PCDH11Y: variants seen among roughly 807,000 people sequenced by gnomAD.
PCDH11Y encodes the protein protocadherin-11 Y-linked.
For synonymous variants in PCDH11Y, 9 were observed against 83.6 expected, an observed-to-expected ratio of 0.11 and a Z score of 4.87; for missense variants, 12 against 224.8, an observed-to-expected ratio of 0.05 and a Z score of 6.05.
intron 2 of PCDH11Y, among the ~76,000 whole-genome samples, chrY:5,140,362 T>A: frequency 3.2e-5 from 1 of 31,394 alleles, no homozygotes; most frequent in South Asian, 7.2e-4. Flanking sequence ...GGAAGAAAAG[T>A]AGTTTATTTT....
At chrY:5,448,650 C>T in intron 2 of PCDH11Y, among the ~76,000 whole-genome samples, 1 of 33,090 alleles carries the variant, frequency 3.0e-5, no homozygotes, top group Non-Finnish European at 7.5e-5. Flanking sequence ...TCTTTCAGGT[C>T]TTGTGTGTAT....
chrY:5,476,345 G>T (rs1602930896), intron 2 of PCDH11Y, among the ~76,000 whole-genome samples: 1 of 23,021 alleles, frequency 4.3e-5, no homozygotes, highest in East Asian at 1.2e-3. Flanking sequence ...TTGACTCCAG[G>T]CTGTAGTGCA....
intron 2 of PCDH11Y, among the ~76,000 whole-genome samples, chrY:5,407,465 C>G: frequency 3.1e-5 from 1 of 32,191 alleles, no homozygotes; most frequent in Admixed American, 2.9e-4. Context: ...TTTTTGATGT[C>G]AAGTTTAACA....
intron 4 of PCDH11Y, among the ~76,000 whole-genome samples, chrY:5,585,502 T>C: frequency 3.0e-5 from 1 of 32,906 alleles, no homozygotes; most frequent in African/African-American, 1.2e-4. Flanking sequence ...AGATACAGAG[T>C]TTCCAAAAAT....
At chrY:5,736,496 C>T (rs1602965616) in intron 4 of PCDH11Y, among the ~76,000 whole-genome samples, 2 of 32,249 alleles carry the variant, frequency 6.2e-5, no homozygotes, top group South Asian at 1.4e-3. Context: ...TTTCTTTATA[C>T]TGGATAGCAT....
intron 2 of PCDH11Y, among the ~76,000 whole-genome samples, chrY:5,355,328 A>C: frequency 3.1e-5 from 1 of 32,317 alleles, no homozygotes; most frequent in African/African-American, 1.2e-4. Context: ...TAGGTCTTTA[A>C]ATTTTTCTTG....
At chrY:5,094,671 A>G (rs1432509809) in intron 1 of PCDH11Y, among the ~76,000 whole-genome samples, 1 of 31,415 alleles carries the variant, frequency 3.2e-5, no homozygotes, top group Non-Finnish European at 7.8e-5. Context: ...GCAGTGTCCA[A>G]CGTAGTAGCT....
intron 2 of PCDH11Y, among the ~76,000 whole-genome samples, chrY:5,201,299 C>G: frequency 9.2e-5 from 3 of 32,710 alleles, no homozygotes; most frequent in Admixed American, 8.4e-4. Flanking sequence ...ATGTAAATTG[C>G]AGCCATTTTT....
intron 4 of PCDH11Y, among the ~76,000 whole-genome samples, chrY:5,600,132 C>CTT (rs2053471356): frequency 8.2e-5 from 1 of 12,134 alleles, no homozygotes; most frequent in Non-Finnish European, 1.8e-4. Context: ...GAGAAATATG[C>CTT]TTTTTTTTTT....
intron 4 of PCDH11Y, among the ~76,000 whole-genome samples, chrY:5,593,712 C>T: frequency 3.3e-5 from 1 of 30,605 alleles, no homozygotes; most frequent in Non-Finnish European, 7.8e-5. Context: ...TATTAGATGC[C>T]CTTGAGGGTT....
At chrY:5,355,127 G>C (rs2053164170) in intron 2 of PCDH11Y, among the ~76,000 whole-genome samples, 1 of 31,281 alleles carries the variant, frequency 3.2e-5, no homozygotes, top group African/African-American at 1.3e-4. Flanking sequence ...AGGCGTGGTG[G>C]CACATTTTGA....
chrY:5,333,035 T>TA, intron 2 of PCDH11Y, among the ~76,000 whole-genome samples: 2 of 31,924 alleles, frequency 6.3e-5, no homozygotes, highest in Admixed American at 2.9e-4. Context: ...TCAATATGAT[T>TA]AAAAAAAAAG....
chrY:5,446,908 G>A, intron 2 of PCDH11Y, among the ~76,000 whole-genome samples: 1 of 33,161 alleles, frequency 3.0e-5, no homozygotes. Context: ...CAGCAGCAGC[G>A]CAGGGAACTG....
chrY:5,485,056 A>G, intron 2 of PCDH11Y, among the ~76,000 whole-genome samples: 1 of 33,461 alleles, frequency 3.0e-5, no homozygotes, highest in African/African-American at 1.2e-4. Flanking sequence ...AAATGCCTTT[A>G]GCTCAAAATA....
At chrY:5,272,830 C>T (rs1602897744) in intron 2 of PCDH11Y, among the ~76,000 whole-genome samples, 1 of 29,137 alleles carries the variant, frequency 3.4e-5, no homozygotes, top group Non-Finnish European at 8.2e-5. Context: ...AAAAAAAAAA[C>T]CGACTTTCTC....
chrY:5,417,946 G>T, intron 2 of PCDH11Y, among the ~76,000 whole-genome samples: 1 of 33,413 alleles, frequency 3.0e-5, no homozygotes, highest in Non-Finnish European at 7.4e-5. Context: ...TGTTTCTCAG[G>T]CTCCCAGACG....
chrY:5,027,784 A>T, intron 1 of PCDH11Y, among the ~76,000 whole-genome samples: 1 of 29,172 alleles, frequency 3.4e-5, no homozygotes, highest in African/African-American at 1.4e-4. Flanking sequence ...CACCTTTCAC[A>T]GTTGTGACAA....
chrY:5,046,984 G>A (rs2124626247), intron 3 of PCDH11Y, among the ~76,000 whole-genome samples: 2 of 33,710 alleles, frequency 5.9e-5, no homozygotes, highest in South Asian at 6.6e-4. Context: ...CGCACGGTGC[G>A]CGCACCCATT....
intron 3 of PCDH11Y, among the ~76,000 whole-genome samples, chrY:5,520,271 C>T: frequency 4.0e-5 from 1 of 25,218 alleles, no homozygotes; most frequent in Non-Finnish European, 9.1e-5. Flanking sequence ...TGTGAATACT[C>T]CTCTGTTCCC....
Sources: allele counts gnomAD v4.1 joint callset (sites outside exome capture counted in the v4.1 genomes callset), GRCh38; gene constraint gnomAD v4.1.1; transcripts MANE v1.5; gene names NCBI Gene and HGNC (gene_info 2026-07-23, HGNC 2026-07-21).